TFIP11: variants seen among roughly 807,000 people sequenced by gnomAD.
TFIP11 encodes tuftelin interacting protein 11.
TFIP11 carries 86 observed loss-of-function variants against 96.8 expected under a neutral mutation model. The observed-to-expected ratio is 0.89, with a 90% CI of 0.75 to 1.06. The LOEUF is 1.06. Ranked by LOEUF, TFIP11 falls within the 50% of genes least tolerant of loss-of-function variation. The pLI is 0.00. For synonymous variants in TFIP11, 405 were observed against 395.2 expected (o/e 1.02, Z -0.29); for missense variants, 881 against 1,076.7 (o/e 0.82, Z 2.54).
intron 10 of TFIP11, among the ~76,000 whole-genome samples, chr22:26,497,460 C>G (rs1414081396): frequency 6.6e-6 from 1 of 152,222 alleles, no homozygotes. Flanking sequence ...CAAGTGTCAG[C>G]TGAATTCATG....
Position 26,495,260 on chromosome 22 carries a change from C to CTTTTTTTT in TFIP11, c.1850-329_1850-322dup, listed in dbSNP as rs150268332. 3.9e-4 allele frequency among the ~76,000 whole-genome samples: 23 copies of CTTTTTTTT among 59,180 alleles called. 1 individual carries two copies. Among genetic ancestry groups the CTTTTTTTT allele is most frequent in the African/African-American group, 1.3e-3 (17 of 13,520 alleles). 38.8% of individuals were successfully genotyped at this position (59,180 alleles called of 152,430 possible). A position where few individuals can be genotyped will look rare whatever the true frequency, so the allele number is the denominator to read the frequency against. The stretch of plus-strand genomic sequence containing the variant: ...TACAGGCATAAGTCACAACTCCTGG[C>CTTTTTTTT]TTTTTTTTTTTTTTTTTTTTTTTTT... On this transcript the variant is annotated intron_variant, in intron 12 of 14. Transcript: ENST00000407690.
intron 7 of TFIP11, among the ~76,000 whole-genome samples, chr22:26,502,897 G>T (rs910410019): frequency 3.9e-5 from 6 of 152,158 alleles, no homozygotes; most frequent in Non-Finnish European, 7.3e-5. Context: ...CTTCTGTGGT[G>T]TGCCTGGCAC....
chr22:26,508,420 A>G (rs1923674145), intron 4 of TFIP11, among the ~76,000 whole-genome samples: 1 of 152,236 alleles, frequency 6.6e-6, no homozygotes, highest in Non-Finnish European at 1.5e-5. Context: ...GTAAGCAGCC[A>G]AGAGATGTTA....
At position 26,494,899 on chromosome 22, in the gene TFIP11, C is replaced by A. The variant is rs1290484647; in HGVS notation, c.1890G>T (p.Gln630His). Residue 630 changes from glutamine (Q) to histidine (H), a missense_variant, in exon 13 of 15, where the codon CAG becomes CAT. By Grantham distance (24) the Gln-to-His change is conservative. Transcript: ENST00000407690. ...TCACCCAATAGAATGCATCCATGTG[C>A]TGCTGGTGGGGGTTAATGACTAGCT... ...LGELVINPHQ[Q>H]HMDAFYWVID... 1 of 1,614,186 alleles carries A rather than the reference C, an allele frequency of 6.2e-7. No individual in the cohort carries two copies. The highest frequency in any genetic ancestry group is 1.7e-5 in the Admixed American group (1 of 60,032).
intron 8 of TFIP11, among the ~76,000 whole-genome samples, chr22:26,500,226 G>A (rs972594262): frequency 1.5e-4 from 23 of 152,146 alleles, no homozygotes; most frequent in African/African-American, 5.5e-4. Context: ...CTGGAATGCA[G>A]TGGCACGATC....
chr22:26,506,139 T>C (rs1008239619), intron 6 of TFIP11, 164 bp downstream of exon 6: 98 of 630,260 alleles, frequency 1.6e-4, no homozygotes, highest in Non-Finnish European at 8.5e-5. Flanking sequence ...AACTTGAGCT[T>C]TGATAAAGCA....
chr22:26,496,433 C>T, intron 11 of TFIP11, 117 bp from the exon 12 acceptor site: 1 of 1,376,144 alleles, frequency 7.3e-7, no homozygotes, highest in Non-Finnish European at 9.8e-7. Flanking sequence ...CTGAGGCCCA[C>T]AGTCCTTTGT....
chr22:26,500,712 G>A (rs1569161235), intron 8 of TFIP11, among the ~76,000 whole-genome samples: 2 of 151,254 alleles, frequency 1.3e-5, no homozygotes, highest in Non-Finnish European at 2.9e-5. Context: ...TTCCTGGGAG[G>A]CACCTAGACA....
intron 4 of TFIP11, among the ~76,000 whole-genome samples, chr22:26,508,823 G>A (rs191952842): frequency 1.7e-4 from 25 of 145,804 alleles, no homozygotes; most frequent in Admixed American, 3.5e-4. Context: ...CCAGCCTGGC[G>A]ACAGAGCAAG....
chr22:26,512,168 C>T lies in TFIP11; in HGVS notation c.-165G>A, dbSNP rs545514790. ...AGTCAGGCCTCGGGCTTGTCTCTCT[C>T]TTGCTGTCTAGGTTTGGTGAAGGAA... On this transcript the variant is annotated 5_prime_UTR_variant, in exon 2 of 15. Coordinates refer to ENST00000407690, the MANE Select transcript of TFIP11 (RefSeq NM_012143.4). 6.6e-6 allele frequency: 1 copy of T among 152,374 alleles called. No homozygotes were observed. Among genetic ancestry groups the T allele is most frequent in the Non-Finnish European group, 1.5e-5 (1 of 68,070 alleles). The allele number at this position is 152,374 out of a possible 1,614,324, so 9.4% of individuals were successfully genotyped here. A position where few individuals can be genotyped will look rare whatever the true frequency, so the allele number is the denominator to read the frequency against.
chr22:26,498,742 A>G lies in TFIP11; in HGVS notation c.1436+127T>C, dbSNP rs1482645515. The G allele has an allele frequency of 9.8e-6, 7 of 716,372 alleles. No homozygotes were observed. In the African/African-American group the frequency reaches 1.1e-4, roughly 11 times the overall value. The allele number at this position is 716,372 out of a possible 1,614,324, so 44.4% of individuals were successfully genotyped here. ...CATAGCCAAATGAATTTAAATTCCT[A>G]AAGCACTGTCAGCATGAGCAGAGAA... On this transcript the variant is annotated intron_variant, in intron 10 of 14. Coordinates refer to ENST00000407690, the MANE Select transcript of TFIP11 (RefSeq NM_012143.4).
rs186748502 is a variant in TFIP11 at position 26,505,960 on chromosome 22, C to T, written c.520+343G>A. 6.3e-3 allele frequency: 1,073 copies of T among 168,980 alleles called. 3 individuals carry two copies. Among genetic ancestry groups the T allele is most frequent in the Non-Finnish European group, 0.01 (802 of 79,148 alleles). The allele number at this position is 168,980 out of a possible 1,614,324, so 10.5% of individuals were successfully genotyped here. A position where few individuals can be genotyped will look rare whatever the true frequency, so the allele number is the denominator to read the frequency against. On this transcript the variant is annotated intron_variant, in intron 6 of 14. Transcript: ENST00000407690. ...TCCTGACCTCAAGCGATCCACCACC[C>T]GCCTTGGCCTCCCAAAGTGCTGGGA...
chr22:26,498,584 A>G (rs1922358452), intron 10 of TFIP11: 1 of 280,770 alleles, frequency 3.6e-6, no homozygotes, highest in African/African-American at 2.2e-5. Context: ...GATTCAATGT[A>G]TACTTCTCAG....
chr22:26,505,388 CA>C (rs369557433), intron 6 of TFIP11, among the ~76,000 whole-genome samples: 196 of 152,246 alleles, frequency 1.3e-3, no homozygotes, highest in African/African-American at 4.6e-3. Flanking sequence ...CTAGCTATTA[CA>C]AAAACTATGC....
In TFIP11 at chr22:26,506,991, T is replaced by G; in HGVS notation, c.210-63A>C. The G allele has an allele frequency of 1.9e-6, 3 of 1,565,192 alleles. No individual in the cohort carries two copies. In the South Asian group the frequency reaches 3.4e-5, roughly 18 times the overall value. On this transcript the variant is annotated intron_variant, in intron 4 of 14. Transcript: ENST00000407690. ...AGAACTCTTTTCTCTGCAGCGATCC[T>G]TTTGCAGAAACTACGTGCTTGAAGA...
rs1924198279 is a variant in TFIP11, at chr22:26,512,448, C to A, written c.-227G>T. ...GCTTCACCATCCGCGCGAGAAGACGCCGCTCCTACACCAGAACCCGGAAGC... is the reference window on the plus strand; with the variant it reads ...GCTTCACCATCCGCGCGAGAAGACGACGCTCCTACACCAGAACCCGGAAGC... On this transcript the variant is annotated 5_prime_UTR_variant, in exon 1 of 15. Transcript: ENST00000407690. The A allele has an allele frequency of 6.6e-6, 1 of 152,358 alleles. No individual in the cohort carries two copies. Among genetic ancestry groups the A allele is most frequent in the South Asian group, 2.1e-4 (1 of 4,834 alleles). 9.4% of individuals were successfully genotyped at this position (152,358 alleles called of 1,614,324 possible). A position where few individuals can be genotyped will look rare whatever the true frequency, so the allele number is the denominator to read the frequency against.
chr22:26,503,750 AC>A lies in TFIP11; in HGVS notation c.563del (p.Gly188ValfsTer35). 1.2e-6 allele frequency: 2 copies of A among 1,613,600 alleles called. No homozygotes were observed. The highest frequency in any genetic ancestry group is 1.7e-6 in the Non-Finnish European group (2 of 1,179,946). ...PIEAKQRKGK[G>X]AVGAYGSERT... is the part of the protein sequence containing the mutation. ...GCTCGGATCCATAAGCCCCCACAGC[AC>A]CTTTTCCCTTTCTCTGCTTGGCTTC... On this transcript the variant is annotated frameshift_variant, in exon 7 of 15. Transcript: ENST00000407690. LOFTEE classifies it high-confidence loss of function.
Position 26,499,099 on chromosome 22 carries a change from C to A in TFIP11, c.1329+5G>T. On this transcript the variant is annotated splice_donor_5th_base_variant and intron_variant, in intron 9 of 14. Transcript: ENST00000407690. ...AGGGATAGGTTGATTTTCCCAGCAA[C>A]TCACTTTGAGGGGATCCCACTCCTT... The A allele has an allele frequency of 6.3e-7, 1 of 1,588,782 alleles. No homozygotes were observed. Among genetic ancestry groups the A allele is most frequent in the Non-Finnish European group, 8.6e-7 (1 of 1,163,810 alleles).
chr22:26,508,631 G>A (rs1025293156), intron 4 of TFIP11, among the ~76,000 whole-genome samples: 6 of 152,108 alleles, frequency 3.9e-5, no homozygotes, highest in East Asian at 1.9e-4. Context: ...CGAGGCAGGC[G>A]GATGACAAGG....
Sources: gnomAD v4.1 joint callset for allele counts (sites outside exome capture counted in the v4.1 genomes callset) on GRCh38, gnomAD v4.1.1 for gene constraint, MANE v1.5 for transcripts, NCBI Gene and HGNC (gene_info 2026-07-23, HGNC 2026-07-21) for gene names.